Variants in RSPO2 observed in about 807,000 individuals in gnomAD.
RSPO2 encodes the protein R-spondin 2, also known as R-spondin-2.
RSPO2 carries 14 observed loss-of-function variants against 30.9 expected under a neutral mutation model. The ratio of observed to expected loss-of-function variants is 0.45; its 90% CI spans 0.30 to 0.71. The LOEUF is 0.71. Ranked by LOEUF, RSPO2 falls within the 30% of genes least tolerant of loss-of-function variation. The pLI is 0.08. For missense variants in RSPO2, 264 were observed against 301.9 expected (o/e 0.87, Z 0.93); for synonymous variants, 107 against 96.4 (o/e 1.11, Z -0.64).
At chr8:108,000,097 G>A (rs565476463) in intron 2 of RSPO2, among the ~76,000 whole-genome samples, 1 of 152,286 alleles carries the variant, frequency 6.6e-6, no homozygotes, top group Admixed American at 6.5e-5. Context: ...TACGGTTCAA[G>A]GAAAGACGAT....
At chr8:107,946,400 G>A (rs546714578) in intron 5 of RSPO2, among the ~76,000 whole-genome samples, 1 of 152,326 alleles carries the variant, frequency 6.6e-6, no homozygotes, top group East Asian at 1.9e-4. Context: ...AAGGGGGGCT[G>A]TCCCAGGAGA....
At chr8:108,010,181 C>A (rs1331369535) in intron 2 of RSPO2, among the ~76,000 whole-genome samples, 1 of 152,060 alleles carries the variant, frequency 6.6e-6, no homozygotes, top group Non-Finnish European at 1.5e-5. Flanking sequence ...TCTTTCAGAG[C>A]CAATTATCTG....
intron 2 of RSPO2, among the ~76,000 whole-genome samples, chr8:108,062,729 G>A (rs1228106183): frequency 1.3e-5 from 2 of 151,050 alleles, no homozygotes; most frequent in African/African-American, 4.9e-5. Context: ...AGACACAATG[G>A]AAAAAGAATT....
chr8:108,042,294 T>G (rs1323070217), intron 2 of RSPO2, among the ~76,000 whole-genome samples: 2 of 152,046 alleles, frequency 1.3e-5, no homozygotes, highest in African/African-American at 4.8e-5. Context: ...TGTGGACTGG[T>G]GATAACGTGG....
At chr8:108,016,822 G>A (rs1014373376) in intron 2 of RSPO2, among the ~76,000 whole-genome samples, 6 of 151,832 alleles carry the variant, frequency 4.0e-5, no homozygotes, top group Admixed American at 1.3e-4. Context: ...TCTCTCTCGC[G>A]CTCCTGCTCT....
At chr8:107,908,426 A>C (rs1394256630) in intron 5 of RSPO2, among the ~76,000 whole-genome samples, 1 of 152,162 alleles carries the variant, frequency 6.6e-6, no homozygotes, top group Non-Finnish European at 1.5e-5. Flanking sequence ...TAAATACTTT[A>C]GGTTAATTGT....
intron 2 of RSPO2, among the ~76,000 whole-genome samples, chr8:108,007,813 G>A (rs761052912): frequency 1.3e-5 from 2 of 152,086 alleles, no homozygotes; most frequent in African/African-American, 4.8e-5. Context: ...CTGTGCACAT[G>A]CCTGTAGTCT....
intron 2 of RSPO2, among the ~76,000 whole-genome samples, chr8:108,047,509 G>A (rs889464372): frequency 2.6e-5 from 4 of 152,084 alleles, no homozygotes; most frequent in African/African-American, 9.7e-5. Flanking sequence ...TTCTTGAAAG[G>A]CTGCTGAGCA....
chr8:108,000,836 C>T (rs1815218981), intron 2 of RSPO2, among the ~76,000 whole-genome samples: 1 of 151,944 alleles, frequency 6.6e-6, no homozygotes, highest in African/African-American at 2.4e-5. Flanking sequence ...CCTGTCTCTA[C>T]TAAAAATACA....
intron 2 of RSPO2, among the ~76,000 whole-genome samples, chr8:108,076,774 A>G (rs1174998866): frequency 6.6e-6 from 1 of 152,212 alleles, no homozygotes; most frequent in East Asian, 1.9e-4. Flanking sequence ...AAAAAGAAGA[A>G]AAGAAAAATT....
chr8:107,990,643 G>A (rs143534939), intron 2 of RSPO2, among the ~76,000 whole-genome samples: 113 of 152,134 alleles, frequency 7.4e-4, no homozygotes, highest in Middle Eastern at 3.4e-3. Flanking sequence ...GCAATTTATC[G>A]ATTCAATGCT....
At chr8:108,069,891 G>A (rs1049945769) in intron 2 of RSPO2, among the ~76,000 whole-genome samples, 1 of 152,102 alleles carries the variant, frequency 6.6e-6, no homozygotes, top group Non-Finnish European at 1.5e-5. Flanking sequence ...TCATAGGTGT[G>A]CCAGATAGTA....
intron 5 of RSPO2, among the ~76,000 whole-genome samples, chr8:107,907,600 T>C (rs1384087949): frequency 6.6e-6 from 1 of 152,072 alleles, no homozygotes; most frequent in Admixed American, 6.6e-5. Context: ...ACAAGAGTTG[T>C]TCTTCTTGCA....
chr8:108,076,076 A>C (rs2130733276), intron 2 of RSPO2, among the ~76,000 whole-genome samples: 1 of 152,356 alleles, frequency 6.6e-6, no homozygotes, highest in South Asian at 2.1e-4. Context: ...TTTAGAAAGG[A>C]AGGCAGAAAA....
chr8:108,059,099 A>C (rs903887708), intron 2 of RSPO2, among the ~76,000 whole-genome samples: 6 of 151,900 alleles, frequency 3.9e-5, no homozygotes, highest in African/African-American at 7.3e-5. Context: ...CAACCTACTC[A>C]TCTGACAAAG....
intron 2 of RSPO2, among the ~76,000 whole-genome samples, chr8:108,024,060 G>A (rs778728909): frequency 3.3e-5 from 5 of 152,016 alleles, no homozygotes; most frequent in Non-Finnish European, 7.4e-5. Flanking sequence ...GTGTGTCCCT[G>A]TATTTAAAAG....
At chr8:107,995,167 T>A (rs1814973388) in intron 2 of RSPO2, among the ~76,000 whole-genome samples, 1 of 152,182 alleles carries the variant, frequency 6.6e-6, no homozygotes. Flanking sequence ...AACTGTTCTC[T>A]TTTATTTGCA....
intron 2 of RSPO2, among the ~76,000 whole-genome samples, chr8:108,074,494 TA>T (rs34294751): frequency 6.6e-6 from 1 of 152,180 alleles, no homozygotes; most frequent in African/African-American, 2.4e-5. Flanking sequence ...AAAATAATTT[TA>T]AAAATTACCA....
intron 2 of RSPO2, among the ~76,000 whole-genome samples, chr8:108,022,080 G>C (rs1363601926): frequency 6.6e-6 from 1 of 152,072 alleles, no homozygotes; most frequent in Non-Finnish European, 1.5e-5. Context: ...ACACACAGCT[G>C]GCAGTACTGA....
Sources: allele counts gnomAD v4.1 joint callset (sites outside exome capture counted in the v4.1 genomes callset), GRCh38; gene constraint gnomAD v4.1.1; transcripts MANE v1.5; gene names NCBI Gene and HGNC (gene_info 2026-07-23, HGNC 2026-07-21).